Variants in MSN observed in about 807,000 individuals in gnomAD.
The protein encoded by MSN is epididymis luminal protein 70.
MSN carries 2 observed loss-of-function variants against 48.0 expected under a neutral mutation model. That is an observed-to-expected ratio of 0.04 (90% CI 0.02 to 0.13). The LOEUF (loss-of-function observed/expected upper bound fraction) is 0.13. MSN is among the 10% of genes least tolerant of loss of function. The probability of loss-of-function intolerance (pLI) is 1.00; values close to 1 mark genes in which losing one functional copy is unlikely to be tolerated. For missense variants in MSN, 267 were observed against 470.1 expected, an observed-to-expected ratio of 0.57 and a Z score of 3.99; for synonymous variants, 146 against 166.9, an observed-to-expected ratio of 0.87 and a Z score of 0.97.
At chrX:65,635,434 T>G (rs1389701131) in intron 1 of MSN, among the ~76,000 whole-genome samples, 2 of 111,378 alleles carry the variant, frequency 1.8e-5, no homozygotes, top group East Asian at 5.6e-4. Flanking sequence ...TTTAAACTTT[T>G]CAGGCCTGGG....
At chrX:65,727,388 A>T (rs1025772624) in intron 2 of MSN, among the ~76,000 whole-genome samples, 2 of 111,961 alleles carry the variant, frequency 1.8e-5, no homozygotes, top group African/African-American at 6.5e-5. Flanking sequence ...GGCAGAAATC[A>T]CTGGATATGC....
chrX:65,608,921 T>C (rs951707002), intron 1 of MSN, among the ~76,000 whole-genome samples: 3 of 110,642 alleles, frequency 2.7e-5, no homozygotes, highest in Non-Finnish European at 5.7e-5. Context: ...TGAAGTGAAA[T>C]TGCCAACACC....
intron 1 of MSN, among the ~76,000 whole-genome samples, chrX:65,687,840 G>A (rs1340778892): frequency 8.9e-6 from 1 of 111,858 alleles, no homozygotes; most frequent in East Asian, 2.8e-4. Flanking sequence ...ACACTCTACT[G>A]AGATTGTCCT....
chrX:65,636,755 A>C (rs1483877009), intron 1 of MSN, among the ~76,000 whole-genome samples: 30 of 99,627 alleles, frequency 3.0e-4, no homozygotes, highest in Non-Finnish European at 3.6e-4. Context: ...CTCAAAAAAA[A>C]AAAAAAAAAA....
rs956510896 is a variant in MSN at position 65,738,723 on chromosome X, TC to T, written c.1344+109del. On this transcript the variant is annotated intron_variant, in intron 11 of 12. Transcript: ENST00000360270. ...TTTGGCTCCCTCCCTCTTTCATACT[TC>T]CCACAGCAGGCAGCATGGGAGAAGG... 4 of 772,304 alleles carry T rather than the reference TC, an allele frequency of 5.2e-6. No homozygotes were observed. The African/African-American group carries it at 8.4e-5, about 16-fold the overall frequency. 63.6% of individuals were successfully genotyped at this position (772,304 alleles called of 1,213,427 possible).
At chrX:65,649,781 A>G (rs903312393) in intron 1 of MSN, among the ~76,000 whole-genome samples, 5 of 106,914 alleles carry the variant, frequency 4.7e-5, no homozygotes, top group African/African-American at 1.4e-4. Flanking sequence ...GCCTTTTCAT[A>G]GTAGGACTAG....
intron 1 of MSN, among the ~76,000 whole-genome samples, chrX:65,601,719 G>T (rs1031897052): frequency 1.8e-5 from 2 of 112,902 alleles, no homozygotes; most frequent in African/African-American, 3.2e-5. Flanking sequence ...GGCCAGGAAT[G>T]ATGTCATGGG....
intron 1 of MSN, among the ~76,000 whole-genome samples, chrX:65,694,609 G>A (rs1025940058): frequency 2.0e-4 from 22 of 110,954 alleles, no homozygotes; most frequent in African/African-American, 6.9e-4. Flanking sequence ...GATTACAGGC[G>A]TGAGCCACCA....
chrX:65,680,667 G>A (rs996479448), intron 1 of MSN, among the ~76,000 whole-genome samples: 1 of 111,431 alleles, frequency 9.0e-6, no homozygotes, highest in Non-Finnish European at 1.9e-5. Flanking sequence ...AGCTTTGTGG[G>A]CCCAAGGTTT....
chrX:65,681,884 T>C (rs1441805842), intron 1 of MSN, among the ~76,000 whole-genome samples: 2 of 111,823 alleles, frequency 1.8e-5, no homozygotes, highest in South Asian at 3.7e-4. Context: ...ACAGTTTCTC[T>C]GAACCCCACA....
chrX:65,699,444 A>G (rs992998613), intron 1 of MSN, among the ~76,000 whole-genome samples: 2 of 112,098 alleles, frequency 1.8e-5, no homozygotes, highest in East Asian at 2.8e-4. Flanking sequence ...AGGCTGCTCA[A>G]TTTCTTGGAT....
In MSN at chrX:65,648,734, G is replaced by A. The variant is rs1448716856; in HGVS notation, c.-22+60122G>A. On this transcript the variant is annotated intron_variant, in intron 1 of 3. Coordinates refer to the MSN transcript ENST00000609672. Reference sequence around the variant, plus strand: ...AAAAATTAGCCAGGCGTGGTGGCACGCACTTGTAATCCCAGCTACTTGGGA... The same window carrying A: ...AAAAATTAGCCAGGCGTGGTGGCACACACTTGTAATCCCAGCTACTTGGGA... Among the ~76,000 whole-genome samples the A allele has an allele frequency of 1.7e-4, 19 of 108,587 alleles. 1 individual carries two copies. The highest frequency in any genetic ancestry group is 1.5e-3 in the Admixed American group (15 of 10,070). The allele number at this position is 108,587 out of a possible 115,157, so 94.3% of individuals were successfully genotyped here.
upstream of MSN, among the ~76,000 whole-genome samples, chrX:65,663,694 A>C (rs2070842240): frequency 9.0e-6 from 1 of 111,650 alleles, no homozygotes; most frequent in South Asian, 3.7e-4. Context: ...AGTAACGAAG[A>C]CATGAAATCA....
chrX:65,721,210 A>G (rs1037619476), intron 2 of MSN, among the ~76,000 whole-genome samples: 2 of 112,352 alleles, frequency 1.8e-5, no homozygotes, highest in Non-Finnish European at 3.8e-5. Context: ...CCTTGAGGTC[A>G]GGTTCCATGG....
chrX:65,668,534 A>G (rs1375025170), intron 1 of MSN, among the ~76,000 whole-genome samples: 7 of 110,909 alleles, frequency 6.3e-5, no homozygotes, highest in Non-Finnish European at 1.9e-5. Flanking sequence ...TGCCCCTCCT[A>G]TTGCTTAATG....
At chrX:65,706,763 G>A (rs2071366019) in intron 1 of MSN, among the ~76,000 whole-genome samples, 1 of 111,867 alleles carries the variant, frequency 8.9e-6, no homozygotes. Flanking sequence ...AAGTGAGACT[G>A]TGTGTGATGA....
intron 1 of MSN, among the ~76,000 whole-genome samples, chrX:65,626,198 C>T (rs2070504697): frequency 9.0e-6 from 1 of 111,593 alleles, no homozygotes; most frequent in Non-Finnish European, 1.9e-5. Context: ...TTGTGATCCA[C>T]CCGCCGTGGC....
chrX:65,730,117 G>C (rs146776535), intron 4 of MSN, among the ~76,000 whole-genome samples: 1 of 112,237 alleles, frequency 8.9e-6, no homozygotes, highest in Non-Finnish European at 1.9e-5. Context: ...AGCTCAAATA[G>C]TCTTTTAATA....
chrX:65,680,975 T>C (rs1353366878), intron 1 of MSN, among the ~76,000 whole-genome samples: 2 of 111,020 alleles, frequency 1.8e-5, no homozygotes, highest in East Asian at 5.6e-4. Context: ...GGTCTTGAAC[T>C]CCTGGCCTAA....
Sources: allele counts gnomAD v4.1 joint callset (sites outside exome capture counted in the v4.1 genomes callset), GRCh38; gene constraint gnomAD v4.1.1; transcripts MANE v1.5; gene names NCBI Gene and HGNC (gene_info 2026-07-23, HGNC 2026-07-21).